The following KLHL32 variants were observed in gnomAD, a reference collection of about 807,000 sequenced individuals.
KLHL32 encodes the protein kelch-like protein 32.
In KLHL32, 35 loss-of-function variants were observed where a neutral mutation model predicts 64.8. That is an observed-to-expected ratio of 0.54 (90% CI 0.41 to 0.72). The LOEUF is 0.72. KLHL32 is among the 30% of genes least tolerant of loss of function. The probability of loss-of-function intolerance (pLI) is 0.00; values close to 1 mark genes in which losing one functional copy is unlikely to be tolerated. For missense variants in KLHL32, 589 were observed against 768.5 expected (o/e 0.77, Z 2.76); for synonymous variants, 259 against 281.0 (o/e 0.92, Z 0.78).
chr6:96,988,057 T>A (rs1777341592), intron 3 of KLHL32, among the ~76,000 whole-genome samples: 1 of 151,984 alleles, frequency 6.6e-6, no homozygotes, highest in Non-Finnish European at 1.5e-5. Flanking sequence ...GGACTTCATG[T>A]CTAAAACACC....
intron 3 of KLHL32, among the ~76,000 whole-genome samples, chr6:97,030,286 T>A (rs1783345628): frequency 6.6e-6 from 1 of 152,232 alleles, no homozygotes; most frequent in Non-Finnish European, 1.5e-5. Context: ...GGTACCACCC[T>A]AAAATGTAGC....
intron 3 of KLHL32, among the ~76,000 whole-genome samples, chr6:96,996,376 T>G (rs1778423944): frequency 6.6e-6 from 1 of 152,212 alleles, no homozygotes; most frequent in Admixed American, 6.5e-5. Context: ...AATCCCATGA[T>G]TAAAACAACA....
At chr6:97,128,535 A>C (rs1208924417) in intron 8 of KLHL32, among the ~76,000 whole-genome samples, 1 of 152,244 alleles carries the variant, frequency 6.6e-6, no homozygotes, top group Non-Finnish European at 1.5e-5. Context: ...GGGTACTGGC[A>C]AACATCACAT....
rs398110452 is a variant in KLHL32, at chr6:97,138,248, GA to G, written c.1702-871del. ...GACTAACAGAGGCTGTGCTATATAA[GA>G]AGAGAGAGGCCAGGCACAGTGGCTT... On this transcript the variant is annotated intron_variant, in intron 10 of 10. Coordinates refer to ENST00000369261, the MANE Select transcript of KLHL32 (RefSeq NM_052904.4). 3.8e-3 allele frequency among the ~76,000 whole-genome samples: 454 copies of G among 119,928 alleles called. 2 individuals are homozygous for G. The highest frequency in any genetic ancestry group is 0.013 in the African/African-American group (442 of 32,964). The allele number at this position is 119,928 out of a possible 152,430, so 78.7% of individuals were successfully genotyped here.
intron 6 of KLHL32, among the ~76,000 whole-genome samples, chr6:97,097,551 T>G (rs1030223756): frequency 6.6e-6 from 1 of 152,216 alleles, no homozygotes; most frequent in African/African-American, 2.4e-5. Flanking sequence ...AAATCACATT[T>G]TATTTTTTCC....
At chr6:96,993,276 G>A (rs1778090105) in intron 3 of KLHL32, among the ~76,000 whole-genome samples, 1 of 152,174 alleles carries the variant, frequency 6.6e-6, no homozygotes, top group Non-Finnish European at 1.5e-5. Flanking sequence ...TTGCATCAGT[G>A]GTTAATCAAA....
intron 1 of KLHL32, among the ~76,000 whole-genome samples, chr6:96,962,389 G>T (rs1201920689): frequency 6.6e-6 from 1 of 152,156 alleles, no homozygotes; most frequent in African/African-American, 2.4e-5. Flanking sequence ...TGAAAAAATT[G>T]CTGTATTTTA....
At chr6:96,992,148 T>G (rs1481459596) in intron 3 of KLHL32, among the ~76,000 whole-genome samples, 1 of 152,228 alleles carries the variant, frequency 6.6e-6, no homozygotes, top group African/African-American at 2.4e-5. Flanking sequence ...GCCCCCATCC[T>G]GGTGGGCCTG....
chr6:97,031,863 G>A (rs184597817), intron 3 of KLHL32, among the ~76,000 whole-genome samples: 130 of 152,314 alleles, frequency 8.5e-4, no homozygotes, highest in Middle Eastern at 3.4e-3. Context: ...GGAGGGTGCT[G>A]TTTCTCAGCT....
chr6:97,094,595 G>A (rs900642107), intron 6 of KLHL32, among the ~76,000 whole-genome samples: 2 of 152,138 alleles, frequency 1.3e-5, no homozygotes, highest in Admixed American at 6.6e-5. Flanking sequence ...TCCTTGTTAC[G>A]TGCGGTGGCA....
At chr6:97,136,413 G>C (rs1487340961) in intron 10 of KLHL32, among the ~76,000 whole-genome samples, 2 of 152,182 alleles carry the variant, frequency 1.3e-5, no homozygotes, top group African/African-American at 2.4e-5. Context: ...GAAAAGCAGA[G>C]ATACTCTTAG....
At chr6:96,936,029 G>A (rs1401871711) in intron 1 of KLHL32, among the ~76,000 whole-genome samples, 1 of 152,164 alleles carries the variant, frequency 6.6e-6, no homozygotes, top group South Asian at 2.1e-4. Context: ...AGCTCAGCCT[G>A]TCCCTTTAAG....
rs901342146 is a variant in KLHL32 at position 97,039,547 on chromosome 6, C to T, written c.205-1945C>T. The stretch of plus-strand genomic sequence containing the variant: ...TGAAAATAGCTAGAAGACAGCCGGG[C>T]GCAGTGGTTCACGCCTGTAATCCCA... On this transcript the variant is annotated intron_variant, in intron 3 of 10. Coordinates refer to ENST00000369261, the MANE Select transcript of KLHL32 (RefSeq NM_052904.4). 2.9e-5 allele frequency among the ~76,000 whole-genome samples: 3 copies of T among 105,220 alleles called. 1 individual carries two copies. Among genetic ancestry groups the T allele is most frequent in the African/African-American group, 9.6e-5 (2 of 20,910 alleles). 69.0% of individuals were successfully genotyped at this position (105,220 alleles called of 152,430 possible).
chr6:96,993,982 TAG>T (rs112376472), intron 3 of KLHL32, among the ~76,000 whole-genome samples: 13,264 of 152,108 alleles, frequency 0.087, 1,230 homozygotes, highest in Admixed American at 0.22. Flanking sequence ...TTGCTCTACA[TAG>T]AGATACTGTA....
the KLHL32 span, among the ~76,000 whole-genome samples, chr6:96,903,697 G>A: frequency 6.6e-6 from 1 of 152,166 alleles, no homozygotes; most frequent in African/African-American, 2.4e-5. Flanking sequence ...AGAAATTAAG[G>A]CAGTTCAGTC....
chr6:97,111,053 C>G (rs903717701), intron 6 of KLHL32, among the ~76,000 whole-genome samples: 1 of 151,502 alleles, frequency 6.6e-6, no homozygotes, highest in African/African-American at 2.4e-5. Flanking sequence ...TCTTAGCCAA[C>G]CACCTGTTAC....
chr6:97,096,657 G>A (rs1042188743), intron 6 of KLHL32, among the ~76,000 whole-genome samples: 1 of 152,330 alleles, frequency 6.6e-6, no homozygotes, highest in South Asian at 2.1e-4. Flanking sequence ...GTGGGTTCCA[G>A]TCCCTTTCCT....
intron 3 of KLHL32, among the ~76,000 whole-genome samples, chr6:97,037,394 G>A (rs201072661): frequency 7.3e-6 from 1 of 137,212 alleles, no homozygotes; most frequent in Non-Finnish European, 1.5e-5. Flanking sequence ...GACTTGTGAG[G>A]ATAAAAAAAT....
At position 97,059,067 on chromosome 6, in the gene KLHL32, T is replaced by A. The variant is rs373716685; in HGVS notation, c.313-5561T>A. Among the ~76,000 whole-genome samples the A allele has an allele frequency of 2.0e-5, 3 of 152,112 alleles. No homozygotes were observed. In the East Asian group the frequency reaches 5.8e-4, roughly 29 times the overall value. On this transcript the variant is annotated intron_variant, in intron 4 of 10. Transcript: ENST00000369261. Reference sequence around the variant, plus strand: ...TGTCAGCAAGTGTAGGAGCCAGGATTTGAAAGCAGACAGCGTGACCTAGAA... The same window carrying A: ...TGTCAGCAAGTGTAGGAGCCAGGATATGAAAGCAGACAGCGTGACCTAGAA...
Sources: gnomAD v4.1 joint callset for allele counts (sites outside exome capture counted in the v4.1 genomes callset) on GRCh38, gnomAD v4.1.1 for gene constraint, MANE v1.5 for transcripts, NCBI Gene and HGNC (gene_info 2026-07-23, HGNC 2026-07-21) for gene names.